The following PSMB7 variants were observed in gnomAD, a reference collection of about 807,000 sequenced individuals.
PSMB7 encodes proteasome subunit beta type-7.
A neutral mutation model predicts 28.1 loss-of-function variants in PSMB7; 5 were observed. That is an observed-to-expected ratio of 0.18 (90% CI 0.09 to 0.37). The LOEUF (loss-of-function observed/expected upper bound fraction) is 0.37. PSMB7 is among the 10% of genes least tolerant of loss of function. The pLI, the probability that PSMB7 is intolerant of heterozygous loss-of-function variation, is 1.00. For synonymous variants in PSMB7, 122 were observed against 123.7 expected (o/e 0.99, Z 0.09); for missense variants, 275 against 346.2 (o/e 0.79, Z 1.63).
At chr9:124,406,098 G>T (rs1290762247) in intron 4 of PSMB7, among the ~76,000 whole-genome samples, 1 of 152,174 alleles carries the variant, frequency 6.6e-6, no homozygotes, top group African/African-American at 2.4e-5. Context: ...TGACTCCAAA[G>T]ATTATCAGCA....
chr9:124,360,132 T>A (rs1048122439), intron 6 of PSMB7, among the ~76,000 whole-genome samples: 15 of 152,262 alleles, frequency 9.9e-5, no homozygotes, highest in African/African-American at 3.6e-4. Flanking sequence ...CTGGGCATAT[T>A]CATACTGTGT....
chr9:124,377,769 G>A (rs900155774), intron 6 of PSMB7, among the ~76,000 whole-genome samples: 2 of 152,218 alleles, frequency 1.3e-5, no homozygotes, highest in Non-Finnish European at 2.9e-5. Context: ...AGTGGCGCTT[G>A]TATACGTCAC....
intron 5 of PSMB7, among the ~76,000 whole-genome samples, chr9:124,391,069 C>G (rs891578276): frequency 2.0e-5 from 3 of 152,238 alleles, no homozygotes; most frequent in Admixed American, 1.3e-4. Flanking sequence ...CTAGACCCCA[C>G]TTATCCAGAA....
At chr9:124,407,716 A>G (rs1830981393) in intron 4 of PSMB7, among the ~76,000 whole-genome samples, 2 of 152,368 alleles carry the variant, frequency 1.3e-5, no homozygotes, top group East Asian at 1.9e-4. Context: ...CTAAGGATAT[A>G]AACAGACAAA....
intron 6 of PSMB7, among the ~76,000 whole-genome samples, chr9:124,357,947 G>C (rs1468927539): frequency 6.6e-6 from 1 of 152,200 alleles, no homozygotes; most frequent in African/African-American, 2.4e-5. Flanking sequence ...TGAAACAGAA[G>C]GCAGGCAGCA....
chr9:124,397,055 T>C (rs1332590414), intron 5 of PSMB7, among the ~76,000 whole-genome samples: 2 of 152,220 alleles, frequency 1.3e-5, no homozygotes, highest in Non-Finnish European at 2.9e-5. Flanking sequence ...GGATCCTTTT[T>C]CTTTTTGGAG....
chr9:124,369,483 C>T (rs771231306), intron 6 of PSMB7, among the ~76,000 whole-genome samples: 7 of 152,226 alleles, frequency 4.6e-5, no homozygotes, highest in Non-Finnish European at 8.8e-5. Context: ...TGCTGCAACA[C>T]AAGCACCTCT....
chr9:124,404,877 A>T (rs1192773923), intron 5 of PSMB7, among the ~76,000 whole-genome samples: 2 of 152,148 alleles, frequency 1.3e-5, no homozygotes, highest in African/African-American at 4.8e-5. Context: ...TAATAAAAAT[A>T]AAAATGTTAC....
At chr9:124,357,150 A>G (rs1297794669) in intron 6 of PSMB7, among the ~76,000 whole-genome samples, 1 of 152,170 alleles carries the variant, frequency 6.6e-6, no homozygotes, top group Non-Finnish European at 1.5e-5. Context: ...ACATCAGACA[A>G]TCACCACAAA....
At chr9:124,360,080 AT>A (rs1056794034) in intron 6 of PSMB7, among the ~76,000 whole-genome samples, 1 of 152,210 alleles carries the variant, frequency 6.6e-6, no homozygotes, top group Non-Finnish European at 1.5e-5. Flanking sequence ...TGACTACAGT[AT>A]TTCCATACAC....
rs568163021 is a variant in PSMB7, at chr9:124,382,840, T to C, written c.570+1758A>G. Among the ~76,000 whole-genome samples, 28 of 152,342 alleles carry C rather than the reference T, an allele frequency of 1.8e-4. No homozygotes were observed. The South Asian group carries it at 4.3e-3, about 24-fold the overall frequency. On this transcript the variant is annotated intron_variant, in intron 6 of 7. Transcript: ENST00000259457. The stretch of plus-strand genomic sequence containing the variant: ...AAACTCTAAATAAGGTAAAATTACT[T>C]TGGTGGAGTGTTAAAGTCACTTCTA...
intron 6 of PSMB7, among the ~76,000 whole-genome samples, chr9:124,380,200 C>T (rs1022129786): frequency 6.6e-6 from 1 of 152,158 alleles, no homozygotes; most frequent in Non-Finnish European, 1.5e-5. Flanking sequence ...AACTATGTTC[C>T]CCCAAAGTTT....
chr9:124,415,119 G>T, intron 1 of PSMB7, 184 bp from the exon 2 acceptor site: 1 of 624,698 alleles, frequency 1.6e-6, no homozygotes, highest in Non-Finnish European at 2.8e-6. Flanking sequence ...TTACAAAGGG[G>T]CCGTGACGTG....
At chr9:124,405,546 T>A (rs1482005093) in intron 4 of PSMB7, 114 bp from the exon 5 acceptor site, 2 of 664,472 alleles carry the variant, frequency 3.0e-6, no homozygotes, top group Non-Finnish European at 5.4e-6. Flanking sequence ...TAAGACTGTT[T>A]CATTAAGGGG....
chr9:124,389,925 A>C (rs1395451945), intron 5 of PSMB7, among the ~76,000 whole-genome samples: 2 of 152,242 alleles, frequency 1.3e-5, no homozygotes, highest in African/African-American at 4.8e-5. Flanking sequence ...ACTAGCTTAT[A>C]AACAAAATTA....
chr9:124,357,322 CTG>C (rs1263402321), intron 6 of PSMB7, among the ~76,000 whole-genome samples: 1 of 152,222 alleles, frequency 6.6e-6, no homozygotes, highest in Non-Finnish European at 1.5e-5. Context: ...ATGGGTATAA[CTG>C]TGTTCCAATA....
chr9:124,354,758 C>T (rs985983909), intron 7 of PSMB7, among the ~76,000 whole-genome samples: 1 of 152,204 alleles, frequency 6.6e-6, no homozygotes. Context: ...ATCCCTCACA[C>T]GCTGGAACCT....
At chr9:124,390,024 C>G (rs1393800971) in intron 5 of PSMB7, among the ~76,000 whole-genome samples, 7 of 152,154 alleles carry the variant, frequency 4.6e-5, no homozygotes, top group Admixed American at 2.6e-4. Flanking sequence ...AAAGAGCTCA[C>G]AGATAACTAC....
At chr9:124,413,212 A>C (rs1431018668) in intron 3 of PSMB7, among the ~76,000 whole-genome samples, 1 of 150,796 alleles carries the variant, frequency 6.6e-6, no homozygotes, top group Non-Finnish European at 1.5e-5. Flanking sequence ...AAAAGGTTAT[A>C]TATGAGCTGG....
Sources: gnomAD v4.1 joint callset for allele counts (sites outside exome capture counted in the v4.1 genomes callset) on GRCh38, gnomAD v4.1.1 for gene constraint, MANE v1.5 for transcripts, NCBI Gene and HGNC (gene_info 2026-07-23, HGNC 2026-07-21) for gene names.